The following SLAIN2 variants were observed in gnomAD, a reference collection of about 807,000 sequenced individuals.
The protein encoded by SLAIN2 is SLAIN family member 2, also known as SLAIN motif-containing protein 2.
SLAIN2 carries 31 observed loss-of-function variants against 56.6 expected under a neutral mutation model. That is an observed-to-expected ratio of 0.55 (90% confidence interval 0.41 to 0.74). The LOEUF (loss-of-function observed/expected upper bound fraction) is 0.74, where lower values mean the gene tolerates loss of function less well. SLAIN2 is among the 30% of genes least tolerant of loss of function. SLAIN2 has a pLI of 0.00. For missense variants in SLAIN2, 777 were observed against 754.2 expected (o/e 1.03, Z -0.35); for synonymous variants, 317 against 284.9 (o/e 1.11, Z -1.13).
At position 48,425,452 on chromosome 4, in the gene SLAIN2, T is replaced by C. The variant is rs564245621; in HGVS notation, c.*3375T>C. 29 of 152,282 alleles carry C rather than the reference T, an allele frequency of 1.9e-4. No individual in the cohort carries two copies. Among genetic ancestry groups the C allele is most frequent in the African/African-American group, 6.7e-4 (28 of 41,574 alleles). The allele number at this position is 152,282 out of a possible 1,614,324, so 9.4% of individuals were successfully genotyped here. A position where few individuals can be genotyped will look rare whatever the true frequency, so the allele number is the denominator to read the frequency against. On this transcript the variant is annotated 3_prime_UTR_variant, in exon 8 of 8. Coordinates refer to ENST00000264313, the MANE Select transcript of SLAIN2 (RefSeq NM_020846.2). ...ATATTTAGGTGATCACGTGCATCTT[T>C]TCTTGTATGGATGGAAAAATCAAGA...
intron 6 of SLAIN2, among the ~76,000 whole-genome samples, chr4:48,411,056 G>A (rs767288670): frequency 2.6e-5 from 4 of 152,072 alleles, no homozygotes; most frequent in Non-Finnish European, 5.9e-5. Flanking sequence ...TGAAGCAATT[G>A]TGTTTCGTTG....
chr4:48,377,789 A>G (rs1474351132), intron 2 of SLAIN2, 107 bp from the exon 3 acceptor site: 4 of 1,068,444 alleles, frequency 3.7e-6, no homozygotes, highest in Non-Finnish European at 5.5e-6. Flanking sequence ...ATATTTCTTC[A>G]TTTAAATTGA....
At chr4:48,389,572 A>C (rs1716183950) in intron 6 of SLAIN2, among the ~76,000 whole-genome samples, 1 of 152,252 alleles carries the variant, frequency 6.6e-6, no homozygotes, top group South Asian at 2.1e-4. Flanking sequence ...AGAGGCATTA[A>C]ATTCAGCAGT....
rs1259432553 is a variant in SLAIN2 at position 48,342,095 on chromosome 4, G to C, written c.356G>C (p.Arg119Pro). 2.2e-6 allele frequency: 3 copies of C among 1,365,524 alleles called. No individual in the cohort carries two copies. Among genetic ancestry groups the C allele is most frequent in the Non-Finnish European group, 2.8e-6 (3 of 1,066,486 alleles). 84.6% of individuals were successfully genotyped at this position (1,365,524 alleles called of 1,614,324 possible). ...VEPLRPDELE[R>P]LSGWEEEEES... is the part of the protein sequence containing the mutation. ...CCGCTGCGGCCCGACGAGCTGGAGC[G>C]CCTGTCAGGCTGGGAGGAGGAGGAG... Residue 119 changes from arginine (R) to proline (P), a missense_variant, in exon 1 of 8, where the codon CGC (arginine) becomes CCC (proline). Arg to Pro is a moderately radical substitution (Grantham distance 103). Transcript: ENST00000264313.
intron 5 of SLAIN2, among the ~76,000 whole-genome samples, chr4:48,383,305 C>T (rs1332308661): frequency 6.6e-6 from 1 of 151,234 alleles, no homozygotes; most frequent in African/African-American, 2.4e-5. Flanking sequence ...GTCAGGTTTA[C>T]TATTTTATTA....
rs2109763108 is a variant in SLAIN2 at position 48,382,932 on chromosome 4, A to G, written c.1222+5A>G. 1 of 1,590,142 alleles carries G rather than the reference A, an allele frequency of 6.3e-7. No individual in the cohort carries two copies. Among genetic ancestry groups the G allele is most frequent in the South Asian group, 1.1e-5 (1 of 88,694 alleles). The stretch of plus-strand genomic sequence containing the variant: ...CAAGCAATGTTAAAAATGAAGGTAA[A>G]ATAGCAGATTTTACTAATAATTAGA... On this transcript the variant is annotated splice_donor_5th_base_variant and intron_variant, in intron 5 of 7. Coordinates refer to ENST00000264313, the MANE Select transcript of SLAIN2 (RefSeq NM_020846.2).
intron 1 of SLAIN2, among the ~76,000 whole-genome samples, chr4:48,366,511 A>C (rs1224425426): frequency 6.6e-6 from 1 of 152,154 alleles, no homozygotes; most frequent in Non-Finnish European, 1.5e-5. Flanking sequence ...TTTAGTTTCC[A>C]GTAATTTTTT....
chr4:48,412,365 TACACACACACACACACACACACACACAC>T (rs748099130), intron 6 of SLAIN2, among the ~76,000 whole-genome samples: 7 of 112,902 alleles, frequency 6.2e-5, no homozygotes, highest in Admixed American at 1.9e-4. Context: ...TTTGTATATG[TACACACACACACACACACACACACACAC>T]ACACACACAC....
chr4:48,365,474 T>C (rs200938211), intron 1 of SLAIN2, among the ~76,000 whole-genome samples: 2 of 151,454 alleles, frequency 1.3e-5, no homozygotes, highest in African/African-American at 4.9e-5. Flanking sequence ...AAGCACTTTT[T>C]CCCCCTATAC....
intron 6 of SLAIN2, among the ~76,000 whole-genome samples, chr4:48,398,850 C>A (rs1195067150): frequency 6.6e-6 from 1 of 152,108 alleles, no homozygotes; most frequent in Non-Finnish European, 1.5e-5. Context: ...TTCCATTGGT[C>A]CATTTGTCTG....
chr4:48,344,358 T>C (rs2109729459), intron 1 of SLAIN2, among the ~76,000 whole-genome samples: 1 of 152,376 alleles, frequency 6.6e-6, no homozygotes, highest in Middle Eastern at 3.4e-3. Flanking sequence ...GCTAAGAATC[T>C]ACCTTTTGTA....
At position 48,376,771 on chromosome 4, in the gene SLAIN2, C is replaced by G. The variant is rs371122865; in HGVS notation, c.539-1125C>G. Among the ~76,000 whole-genome samples, 58 of 151,042 alleles carry G rather than the reference C, an allele frequency of 3.8e-4. No individual in the cohort carries two copies. The East Asian group carries it at 0.012, about 31-fold the overall frequency. ...CCGAGTAGCTGGGACTACAGGCGCC[C>G]GCCACCACACCTGGCTAATTTTTTG... On this transcript the variant is annotated intron_variant, in intron 2 of 7. Coordinates refer to ENST00000264313, the MANE Select transcript of SLAIN2 (RefSeq NM_020846.2).
At chr4:48,363,917 C>A (rs1422649547) in intron 1 of SLAIN2, among the ~76,000 whole-genome samples, 3 of 114,720 alleles carry the variant, frequency 2.6e-5, no homozygotes, top group African/African-American at 9.3e-5. Flanking sequence ...GCTGGCCAGG[C>A]GGGGGGCTGA....
At chr4:48,374,632 A>G (rs570663177) in intron 2 of SLAIN2, among the ~76,000 whole-genome samples, 2 of 152,180 alleles carry the variant, frequency 1.3e-5, no homozygotes, top group Non-Finnish European at 2.9e-5. Flanking sequence ...GACGTCATCA[A>G]TTTTATTTTG....
chr4:48,393,143 C>T (rs1478087875), intron 6 of SLAIN2, among the ~76,000 whole-genome samples: 4 of 151,846 alleles, frequency 2.6e-5, no homozygotes, highest in Non-Finnish European at 4.4e-5. Context: ...GATGCCAAGG[C>T]GGGCAGATCA....
chr4:48,413,828 A>G (rs1716928673), intron 6 of SLAIN2, among the ~76,000 whole-genome samples: 1 of 152,208 alleles, frequency 6.6e-6, no homozygotes, highest in African/African-American at 2.4e-5. Context: ...AACTTGGAAT[A>G]TCTAACTTTT....
chr4:48,347,092 G>T (rs568467899), intron 1 of SLAIN2, among the ~76,000 whole-genome samples: 6 of 151,944 alleles, frequency 3.9e-5, no homozygotes, highest in Non-Finnish European at 8.8e-5. Flanking sequence ...AACATTGAGA[G>T]ACATGATAAT....
At chr4:48,367,716 T>C (rs1715556051) in intron 1 of SLAIN2, among the ~76,000 whole-genome samples, 2 of 152,194 alleles carry the variant, frequency 1.3e-5, no homozygotes, top group Non-Finnish European at 2.9e-5. Flanking sequence ...TTTTTGAAGA[T>C]GCCAAAGCAC....
intron 6 of SLAIN2, among the ~76,000 whole-genome samples, chr4:48,401,473 TA>T (rs1716555185): frequency 6.6e-6 from 1 of 152,240 alleles, no homozygotes; most frequent in Non-Finnish European, 1.5e-5. Flanking sequence ...TTGGGTTACA[TA>T]TATACTTAGG....
Sources: allele counts gnomAD v4.1 joint callset (sites outside exome capture counted in the v4.1 genomes callset), GRCh38; gene constraint gnomAD v4.1.1; transcripts MANE v1.5; gene names NCBI Gene and HGNC (gene_info 2026-07-23, HGNC 2026-07-21).